PPP4R4: variants seen among roughly 807,000 people sequenced by gnomAD.
PPP4R4 encodes serine/threonine-protein phosphatase 4 regulatory subunit 4.
PPP4R4 carries 70 observed loss-of-function variants against 121.8 expected under a neutral mutation model. That is an observed-to-expected ratio of 0.57 (90% CI 0.47 to 0.70). PPP4R4 has a LOEUF of 0.70. Ranked by LOEUF, PPP4R4 falls within the 30% of genes least tolerant of loss-of-function variation. PPP4R4 has a pLI of 0.00. For synonymous variants in PPP4R4, 348 were observed against 355.7 expected, an observed-to-expected ratio of 0.98 and a Z score of 0.24; for missense variants, 875 against 1,033.6, an observed-to-expected ratio of 0.85 and a Z score of 2.10.
At chr14:94,232,224 C>T (rs531722445) in intron 5 of PPP4R4, among the ~76,000 whole-genome samples, 13 of 152,154 alleles carry the variant, frequency 8.5e-5, no homozygotes, top group African/African-American at 3.1e-4. Context: ...ATTTTGTATT[C>T]TTTGAACATT....
chr14:94,174,800 C>G (rs1450433432), intron 1 of PPP4R4, among the ~76,000 whole-genome samples: 2 of 151,962 alleles, frequency 1.3e-5, no homozygotes, highest in Non-Finnish European at 2.9e-5. Context: ...CCTCTCTAGT[C>G]TGGACCCCCA....
chr14:94,242,885 A>AT (rs1892706364), intron 11 of PPP4R4, among the ~76,000 whole-genome samples: 1 of 152,188 alleles, frequency 6.6e-6, no homozygotes, highest in African/African-American at 2.4e-5. Flanking sequence ...AATAAATTGA[A>AT]ACTTTTATGA....
intron 20 of PPP4R4, 130 bp downstream of exon 20, chr14:94,265,077 T>A: frequency 1.1e-6 from 1 of 900,598 alleles, no homozygotes; most frequent in Non-Finnish European, 1.7e-6. Context: ...TTTTGAAAAG[T>A]CGTTTTTGAA....
intron 8 of PPP4R4, among the ~76,000 whole-genome samples, chr14:94,239,880 T>A (rs1892536536): frequency 6.6e-6 from 1 of 152,222 alleles, no homozygotes; most frequent in Admixed American, 6.5e-5. Context: ...TCTACTTAGT[T>A]ACAAGGCTTG....
chr14:94,226,403 T>C (rs1891703316), intron 3 of PPP4R4, among the ~76,000 whole-genome samples: 1 of 152,170 alleles, frequency 6.6e-6, no homozygotes, highest in Non-Finnish European at 1.5e-5. Context: ...TTTCTGTTTA[T>C]TGTCTTCACT....
intron 7 of PPP4R4, among the ~76,000 whole-genome samples, chr14:94,236,786 C>T (rs549242365): frequency 2.6e-5 from 4 of 152,248 alleles, no homozygotes; most frequent in African/African-American, 9.6e-5. Flanking sequence ...ACAGCATTGT[C>T]TTAGAGTCTT....
In PPP4R4 at chr14:94,278,721, C is replaced by G; in HGVS notation, c.*78C>G. 1 of 1,355,194 alleles carries G rather than the reference C, an allele frequency of 7.4e-7. No individual in the cohort carries two copies. The highest frequency in any genetic ancestry group is 9.8e-7 in the Non-Finnish European group (1 of 1,024,776). 83.9% of individuals were successfully genotyped at this position (1,355,194 alleles called of 1,614,324 possible). A position where few individuals can be genotyped will look rare whatever the true frequency, so the allele number is the denominator to read the frequency against. ...TGGTACACAAAAGCTAAAGCAGTGG[C>G]TGGGGCTTTGTTTTTAAATTTTGGG... On this transcript the variant is annotated 3_prime_UTR_variant, in exon 25 of 25. Coordinates refer to ENST00000304338, the MANE Select transcript of PPP4R4 (RefSeq NM_058237.2).
At position 94,202,420 on chromosome 14, in the gene PPP4R4, A is replaced by G. The variant is rs189098823; in HGVS notation, c.192-6044A>G. Among the ~76,000 whole-genome samples, 227 of 152,378 alleles carry G rather than the reference A, an allele frequency of 1.5e-3. 1 individual carries two copies. Among genetic ancestry groups the G allele is most frequent in the African/African-American group, 5.2e-3 (216 of 41,594 alleles). On this transcript the variant is annotated intron_variant, in intron 2 of 24. Transcript: ENST00000304338. Reference sequence around the variant, plus strand: ...ATAAACAAAGATAAATATTGTGTTTATGGATTAAAATAAAGAAGTGGTAAT... The same window carrying G: ...ATAAACAAAGATAAATATTGTGTTTGTGGATTAAAATAAAGAAGTGGTAAT...
At chr14:94,247,331 T>A (rs1892947772) in intron 14 of PPP4R4, among the ~76,000 whole-genome samples, 1 of 152,236 alleles carries the variant, frequency 6.6e-6, no homozygotes. Context: ...GTTGGGGTAG[T>A]GCAAGCTGGG....
At chr14:94,257,375 A>G (rs1893530492) in intron 17 of PPP4R4, among the ~76,000 whole-genome samples, 1 of 152,026 alleles carries the variant, frequency 6.6e-6, no homozygotes, top group South Asian at 2.1e-4. Context: ...TTCAGGACAC[A>G]TTGTTTTTGA....
chr14:94,276,614 T>G (rs1206043376), intron 24 of PPP4R4, among the ~76,000 whole-genome samples: 3 of 148,292 alleles, frequency 2.0e-5, no homozygotes, highest in Admixed American at 1.3e-4. Flanking sequence ...GAGAACTCAC[T>G]GTCACAAAGA....
intron 3 of PPP4R4, among the ~76,000 whole-genome samples, chr14:94,217,242 CAAACCCTTTGGCA>C: frequency 6.6e-6 from 1 of 152,170 alleles, no homozygotes; most frequent in Non-Finnish European, 1.5e-5. Flanking sequence ...AACACTGAGG[CAAACCCTTTGGCA>C]TCTGAGGCTG....
At chr14:94,214,418 A>C (rs1220724974) in intron 3 of PPP4R4, among the ~76,000 whole-genome samples, 2 of 151,984 alleles carry the variant, frequency 1.3e-5, no homozygotes, top group Admixed American at 6.6e-5. Flanking sequence ...GCTGCTCAGG[A>C]GGCTGGGGCC....
intron 3 of PPP4R4, among the ~76,000 whole-genome samples, chr14:94,212,823 G>T: frequency 6.6e-6 from 1 of 152,050 alleles, no homozygotes; most frequent in East Asian, 1.9e-4. Context: ...ATAAAATTCA[G>T]AATAATAGCG....
intron 2 of PPP4R4, 40 bp downstream of exon 2, chr14:94,176,167 C>G: frequency 6.7e-7 from 1 of 1,492,486 alleles, no homozygotes; most frequent in Non-Finnish European, 9.4e-7. Flanking sequence ...CTTCTTTTTT[C>G]CCTGTGCAGC....
At chr14:94,235,535 G>A (rs1892296737) in intron 7 of PPP4R4, among the ~76,000 whole-genome samples, 1 of 151,688 alleles carries the variant, frequency 6.6e-6, no homozygotes, top group African/African-American at 2.4e-5. Context: ...AAGTAGCTGG[G>A]ACTACAGGTG....
chr14:94,249,870 A>G (rs1172109569), intron 14 of PPP4R4, among the ~76,000 whole-genome samples: 2 of 152,088 alleles, frequency 1.3e-5, no homozygotes, highest in Non-Finnish European at 2.9e-5. Context: ...GGGAACAGCT[A>G]AAAGAATAGG....
Position 94,230,689 on chromosome 14 carries a change from T to G in PPP4R4, c.397T>G (p.Ser133Ala). 6.2e-7 allele frequency: 1 copy of G among 1,613,622 alleles called. No individual in the cohort carries two copies. Among genetic ancestry groups the G allele is most frequent in the African/African-American group, 1.3e-5 (1 of 75,030 alleles). Reference sequence around the variant, plus strand: ...AGTGTCAATTCATGCATATACCCACTCATTCCTCCAAGTCATTCTCCTGCA... The same window carrying G: ...AGTGTCAATTCATGCATATACCCACGCATTCCTCCAAGTCATTCTCCTGCA... ...ESVSIHAYTH[S>A]FLQVILLHLE... Residue 133 changes from serine (S) to alanine (A), a missense_variant, in exon 4 of 25, where the codon TCA becomes GCA. By Grantham distance (99) the Ser-to-Ala change is moderately conservative. Coordinates refer to ENST00000304338, the MANE Select transcript of PPP4R4 (RefSeq NM_058237.2).
At chr14:94,227,571 C>A in intron 3 of PPP4R4, 1 of 1,312,046 alleles carries the variant, frequency 7.6e-7, no homozygotes, top group South Asian at 2.3e-5. Flanking sequence ...AAATTAAATG[C>A]AAAATAGTTG....
Sources: allele counts gnomAD v4.1 joint callset (sites outside exome capture counted in the v4.1 genomes callset), GRCh38; gene constraint gnomAD v4.1.1; transcripts MANE v1.5; gene names NCBI Gene and HGNC (gene_info 2026-07-23, HGNC 2026-07-21).